TSPAN7: variants seen among roughly 807,000 people sequenced by gnomAD.
TSPAN7 encodes the protein tetraspanin 7.
In TSPAN7, 1 loss-of-function variant was observed where a neutral mutation model predicts 17.6. The observed-to-expected ratio is 0.06, with a 90% CI of 0.02 to 0.27. The LOEUF is 0.27. Ranked by LOEUF, TSPAN7 falls within the 10% of genes least tolerant of loss-of-function variation. The pLI, the probability that TSPAN7 is intolerant of heterozygous loss-of-function variation, is 1.00. For missense variants in TSPAN7, 112 were observed against 201.7 expected, an observed-to-expected ratio of 0.56 and a Z score of 2.69; for synonymous variants, 78 against 79.0, an observed-to-expected ratio of 0.99 and a Z score of 0.07.
chrX:38,598,879 G>T (rs2069331856), intron 1 of TSPAN7, among the ~76,000 whole-genome samples: 1 of 111,638 alleles, frequency 9.0e-6, no homozygotes, highest in Non-Finnish European at 1.9e-5. Context: ...TGTTATATAT[G>T]GTCAATTGTT....
At chrX:38,615,203 G>C (rs1387150214) in intron 1 of TSPAN7, among the ~76,000 whole-genome samples, 1 of 111,524 alleles carries the variant, frequency 9.0e-6, no homozygotes, top group Non-Finnish European at 1.9e-5. Flanking sequence ...ACAGGTTTCA[G>C]CTTCAGTGAG....
At chrX:38,664,932 G>A (rs115983766) in intron 1 of TSPAN7, among the ~76,000 whole-genome samples, 6,751 of 112,056 alleles carry the variant, frequency 0.06, 501 homozygotes, top group African/African-American at 0.21. Flanking sequence ...CCAAATTACA[G>A]AAAGTATTTT....
chrX:38,687,809 A>C, intron 7 of TSPAN7, 130 bp from the exon 8 acceptor site: 1 of 447,485 alleles, frequency 2.2e-6, no homozygotes, highest in South Asian at 6.2e-5. Flanking sequence ...CAGAAATCTC[A>C]TTTCTGTGGT....
At chrX:38,585,863 C>A in intron 1 of TSPAN7, among the ~76,000 whole-genome samples, 1 of 112,503 alleles carries the variant, frequency 8.9e-6, no homozygotes, top group Non-Finnish European at 1.9e-5. Context: ...GACATGGGGG[C>A]TCCCCACTGC....
At chrX:38,623,768 G>C (rs775059096) in intron 1 of TSPAN7, among the ~76,000 whole-genome samples, 1 of 108,776 alleles carries the variant, frequency 9.2e-6, no homozygotes, top group African/African-American at 3.3e-5. Context: ...AACTCAATGT[G>C]TCCCCAAACT....
chrX:38,662,058 T>G (rs1009281371), intron 1 of TSPAN7, among the ~76,000 whole-genome samples: 3 of 111,642 alleles, frequency 2.7e-5, no homozygotes, highest in African/African-American at 9.8e-5. Context: ...AAATGCCAGT[T>G]AGAGTGTTTT....
At chrX:38,569,224 C>G (rs1450803752) in intron 1 of TSPAN7, among the ~76,000 whole-genome samples, 1 of 111,080 alleles carries the variant, frequency 9.0e-6, no homozygotes, top group Non-Finnish European at 1.9e-5. Flanking sequence ...GTTTTAGGAC[C>G]AAGGTCAATA....
chrX:38,570,330 A>G (rs2069163512), intron 1 of TSPAN7, among the ~76,000 whole-genome samples: 1 of 111,797 alleles, frequency 8.9e-6, no homozygotes, highest in African/African-American at 3.2e-5. Context: ...TTAATTTACT[A>G]TACGCAATAT....
intron 1 of TSPAN7, among the ~76,000 whole-genome samples, chrX:38,584,098 C>T (rs374843503): frequency 8.8e-4 from 95 of 107,688 alleles, no homozygotes; most frequent in African/African-American, 2.9e-3. Flanking sequence ...GGACTACAGG[C>T]GCCCACCCCC....
intron 1 of TSPAN7, among the ~76,000 whole-genome samples, chrX:38,619,856 T>G (rs1374032679): frequency 8.9e-6 from 1 of 112,540 alleles, no homozygotes; most frequent in African/African-American, 3.2e-5. Flanking sequence ...GGAAATTAAA[T>G]AAAGAAAAAT....
intron 1 of TSPAN7, among the ~76,000 whole-genome samples, chrX:38,651,111 A>G (rs1442686681): frequency 1.8e-5 from 2 of 108,844 alleles, no homozygotes; most frequent in East Asian, 5.7e-4. Flanking sequence ...TCTCTTTTTC[A>G]GGGAGCAGAT....
intron 1 of TSPAN7, among the ~76,000 whole-genome samples, chrX:38,575,367 T>C (rs1406549269): frequency 2.7e-5 from 3 of 112,311 alleles, no homozygotes; most frequent in Non-Finnish European, 5.6e-5. Context: ...AATATTGTTA[T>C]GGAGCAATAC....
At chrX:38,569,476 A>G (rs2069158813) in intron 1 of TSPAN7, among the ~76,000 whole-genome samples, 1 of 82,593 alleles carries the variant, frequency 1.2e-5, no homozygotes, top group Non-Finnish European at 2.2e-5. Context: ...TAGAGGCCAG[A>G]GACAGGAAGT....
intron 1 of TSPAN7, among the ~76,000 whole-genome samples, chrX:38,643,482 T>C (rs1216565599): frequency 9.1e-6 from 1 of 109,632 alleles, no homozygotes; most frequent in Non-Finnish European, 1.9e-5. Flanking sequence ...AAGCTGGGTG[T>C]GACAGGAAAA....
At chrX:38,674,777 G>T (rs1337602312) in intron 4 of TSPAN7, among the ~76,000 whole-genome samples, 1 of 110,740 alleles carries the variant, frequency 9.0e-6, no homozygotes, top group African/African-American at 3.3e-5. Flanking sequence ...GTATGTGAAG[G>T]TGGTGAGCTG....
intron 1 of TSPAN7, among the ~76,000 whole-genome samples, chrX:38,564,236 A>G (rs2069130139): frequency 9.0e-6 from 1 of 111,175 alleles, no homozygotes; most frequent in Non-Finnish European, 1.9e-5. Context: ...ATGTAATCAT[A>G]CAATAGTTGC....
chrX:38,681,276 G>A lies in TSPAN7; in HGVS notation c.670G>A (p.Ala224Thr), dbSNP rs868156656. 2 of 1,206,296 alleles carry A rather than the reference G, an allele frequency of 1.7e-6. No homozygotes were observed. Among genetic ancestry groups the A allele is most frequent in the Non-Finnish European group, 2.2e-6 (2 of 890,933 alleles). The change falls in exon 6 of 8, where the codon GCA (alanine) becomes ACA (threonine). Residue 224 changes from alanine (A) to threonine (T), a missense_variant. Transcript: ENST00000378482. ...CATCGCTGGAGTGGCGTTTGGAATC[G>A]CATTCTCCCAGGTAGCCTACATAAT... ...GIIAGVAFGI[A>T]FSQLIGMLLA...
chrX:38,590,004 A>G (rs1468093419), intron 1 of TSPAN7, among the ~76,000 whole-genome samples: 1 of 113,108 alleles, frequency 8.8e-6, no homozygotes, highest in Non-Finnish European at 1.9e-5. Context: ...TCTGGATTCT[A>G]CTTTTCTCCA....
intron 1 of TSPAN7, among the ~76,000 whole-genome samples, chrX:38,599,678 A>T (rs1487953668): frequency 9.0e-6 from 1 of 111,286 alleles, no homozygotes; most frequent in African/African-American, 3.3e-5. Flanking sequence ...TGCTTGTATT[A>T]GCTTGCCCTA....
Sources: gnomAD v4.1 joint callset for allele counts (sites outside exome capture counted in the v4.1 genomes callset) on GRCh38, gnomAD v4.1.1 for gene constraint, MANE v1.5 for transcripts, NCBI Gene and HGNC (gene_info 2026-07-23, HGNC 2026-07-21) for gene names.